Variants in TTC27 observed in about 807,000 individuals in gnomAD.
TTC27 encodes tetratricopeptide repeat protein 27.
In TTC27, 79 loss-of-function variants were observed where a neutral mutation model predicts 115.9. The observed-to-expected ratio is 0.68, with a 90% CI of 0.57 to 0.82. TTC27 has a LOEUF of 0.82. Ranked by LOEUF, TTC27 falls within the 40% of genes least tolerant of loss-of-function variation. TTC27 has a pLI of 0.00. For missense variants in TTC27, 1,054 were observed against 993.1 expected (o/e 1.06, Z -0.82); for synonymous variants, 401 against 356.0 (o/e 1.13, Z -1.42).
intron 10 of TTC27, among the ~76,000 whole-genome samples, chr2:32,717,572 G>A (rs530673589): frequency 6.0e-4 from 91 of 151,836 alleles, no homozygotes; most frequent in Non-Finnish European, 1.0e-3. Context: ...TTGCCTCATT[G>A]TGTAACTTTT....
intron 12 of TTC27, among the ~76,000 whole-genome samples, chr2:32,737,987 G>C (rs1157795581): frequency 6.6e-6 from 1 of 152,138 alleles, no homozygotes; most frequent in African/African-American, 2.4e-5. Flanking sequence ...CCGCACTGCA[G>C]CCTAGACGAC....
At chr2:32,752,131 G>A (rs1669041029) in intron 12 of TTC27, among the ~76,000 whole-genome samples, 1 of 152,126 alleles carries the variant, frequency 6.6e-6, no homozygotes, top group South Asian at 2.1e-4. Flanking sequence ...CCCACCCTGG[G>A]TTCTAACCAC....
chr2:32,737,541 A>G (rs182753994), intron 12 of TTC27, among the ~76,000 whole-genome samples: 3 of 152,326 alleles, frequency 2.0e-5, no homozygotes, highest in East Asian at 1.9e-4. Flanking sequence ...ACCCTAAAAA[A>G]GAGCAATAGT....
chr2:32,662,270 A>G (rs1665576838), intron 5 of TTC27, among the ~76,000 whole-genome samples: 1 of 152,186 alleles, frequency 6.6e-6, no homozygotes, highest in South Asian at 2.1e-4. Flanking sequence ...TATCAGGATG[A>G]TGCTGGCCTC....
At position 32,790,287 on chromosome 2, in the gene TTC27, G is replaced by A. The variant is rs535529601; in HGVS notation, c.1998+3138G>A. ...GCCATTAAATTTTTTTTTTGTGTGT[G>A]TGTATAAATTCATGCTTATTTTAAT... is the stretch of plus-strand genomic sequence containing the variant. On this transcript the variant is annotated intron_variant, in intron 16 of 19. Coordinates refer to ENST00000317907, the MANE Select transcript of TTC27 (RefSeq NM_017735.5). Among the ~76,000 whole-genome samples the A allele has an allele frequency of 1.0e-3, 151 of 151,508 alleles. 1 individual carries two copies. Among genetic ancestry groups the A allele is most frequent in the African/African-American group, 3.6e-3 (147 of 41,302 alleles).
intron 6 of TTC27, among the ~76,000 whole-genome samples, chr2:32,664,863 C>T (rs1227452025): frequency 1.3e-5 from 2 of 149,642 alleles, no homozygotes; most frequent in Non-Finnish European, 3.0e-5. Context: ...GACCGAGTCT[C>T]GCTCTGTCGC....
chr2:32,775,102 A>G (rs543691842), intron 13 of TTC27, among the ~76,000 whole-genome samples: 2 of 152,370 alleles, frequency 1.3e-5, no homozygotes, highest in African/African-American at 4.8e-5. Context: ...GCTAGAAGGT[A>G]ATTGCTAATT....
chr2:32,796,213 A>G (rs3906940), intron 16 of TTC27, among the ~76,000 whole-genome samples: 63,925 of 151,986 alleles, frequency 0.42, 13,874 homozygotes, highest in South Asian at 0.55. Context: ...TTACAATAGC[A>G]TAAAAAATAC....
chr2:32,657,843 T>C (rs75304474), intron 5 of TTC27, among the ~76,000 whole-genome samples: 1 of 152,224 alleles, frequency 6.6e-6, no homozygotes, highest in Non-Finnish European at 1.5e-5. Context: ...AAATTTTTTT[T>C]TGAGATGGAG....
chr2:32,727,319 T>A (rs1326085212), intron 10 of TTC27, among the ~76,000 whole-genome samples: 6 of 152,184 alleles, frequency 3.9e-5, no homozygotes. Context: ...AAAAAACTAG[T>A]GCATGATGTT....
chr2:32,650,293 G>T, intron 5 of TTC27, 60 bp downstream of exon 5: 1 of 1,212,726 alleles, frequency 8.2e-7, no homozygotes, highest in Non-Finnish European at 1.2e-6. Flanking sequence ...ACTTGGCTGA[G>T]ATACTCCTTT....
chr2:32,683,675 C>A (rs1346085382), intron 9 of TTC27, among the ~76,000 whole-genome samples: 2 of 152,106 alleles, frequency 1.3e-5, no homozygotes, highest in Non-Finnish European at 2.9e-5. Flanking sequence ...GTAAAAATAA[C>A]CCATATTGTT....
chr2:32,686,494 G>A (rs886999840), intron 9 of TTC27, among the ~76,000 whole-genome samples: 8 of 135,790 alleles, frequency 5.9e-5, no homozygotes, highest in Admixed American at 3.0e-4. Flanking sequence ...TGAGTAGCTG[G>A]GACTACAGGC....
chr2:32,745,086 A>C (rs1668775154), intron 12 of TTC27, among the ~76,000 whole-genome samples: 1 of 148,708 alleles, frequency 6.7e-6, no homozygotes, highest in Non-Finnish European at 1.5e-5. Flanking sequence ...AAAAAAGCAC[A>C]TATATCCTCA....
intron 16 of TTC27, among the ~76,000 whole-genome samples, chr2:32,790,531 G>A (rs115871295): frequency 0.01 from 1,585 of 152,148 alleles, 34 homozygotes; most frequent in African/African-American, 0.036. Flanking sequence ...ATTAGATCAG[G>A]CTGATTAACA....
At chr2:32,798,716 T>TAA (rs1372846092) in intron 16 of TTC27, among the ~76,000 whole-genome samples, 2 of 113,834 alleles carry the variant, frequency 1.8e-5, no homozygotes, top group African/African-American at 7.6e-5. Flanking sequence ...AAAAAAAAAA[T>TAA]AATAATAATA....
intron 14 of TTC27, among the ~76,000 whole-genome samples, chr2:32,781,424 C>T (rs941428994): frequency 1.3e-5 from 2 of 150,798 alleles, no homozygotes; most frequent in Admixed American, 1.3e-4. Context: ...TTCCCATGTC[C>T]GCCATTTTTT....
At chr2:32,729,927 G>A (rs1443485513) in intron 10 of TTC27, among the ~76,000 whole-genome samples, 1 of 152,120 alleles carries the variant, frequency 6.6e-6, no homozygotes, top group African/African-American at 2.4e-5. Flanking sequence ...ACTGGAAAGA[G>A]AAAATGGGTA....
intron 4 of TTC27, among the ~76,000 whole-genome samples, chr2:32,647,453 A>C (rs141151154): frequency 6.6e-6 from 1 of 152,172 alleles, no homozygotes; most frequent in African/African-American, 2.4e-5. Flanking sequence ...TCAGTTAAAA[A>C]CTGTCTGAAA....
Sources: allele counts gnomAD v4.1 joint callset (sites outside exome capture counted in the v4.1 genomes callset), GRCh38; gene constraint gnomAD v4.1.1; transcripts MANE v1.5; gene names NCBI Gene and HGNC (gene_info 2026-07-23, HGNC 2026-07-21).